The following NAV1 variants were observed in gnomAD, a reference collection of about 807,000 sequenced individuals.
The protein encoded by NAV1 is pore membrane and/or filament interacting like protein 3.
NAV1 carries 18 observed loss-of-function variants against 175.2 expected under a neutral mutation model. The observed-to-expected ratio is 0.10, with a 90% confidence interval of 0.07 to 0.15. The LOEUF (loss-of-function observed/expected upper bound fraction) is 0.15, where lower values mean the gene tolerates loss of function less well. Ranked by LOEUF, NAV1 falls within the 10% of genes least tolerant of loss-of-function variation. NAV1 has a pLI of 1.00. For synonymous variants in NAV1, 897 were observed against 978.7 expected (o/e 0.92, Z 1.56); for missense variants, 1,731 against 2,436.6 (o/e 0.71, Z 6.10).
At chr1:201,814,980 A>C (rs140374400) in intron 28 of NAV1, among the ~76,000 whole-genome samples, 2,200 of 149,448 alleles carry the variant, frequency 0.015, 72 homozygotes, top group African/African-American at 0.052. Flanking sequence ...TGGAGCTTGC[A>C]GTGAGCCGAG....
intron 1 of NAV1, among the ~76,000 whole-genome samples, chr1:201,664,386 G>A (rs1413050294): frequency 1.3e-5 from 2 of 152,098 alleles, no homozygotes; most frequent in East Asian, 3.9e-4. Context: ...ATATTAACTA[G>A]CCATGAGATT....
intron 3 of NAV1, among the ~76,000 whole-genome samples, chr1:201,758,816 G>C (rs1045128840): frequency 6.6e-6 from 1 of 152,130 alleles, no homozygotes; most frequent in East Asian, 1.9e-4. Context: ...TATCTCTCTC[G>C]TAATGGAAGT....
At chr1:201,773,860 A>T (rs1340406266) in intron 3 of NAV1, among the ~76,000 whole-genome samples, 1 of 152,154 alleles carries the variant, frequency 6.6e-6, no homozygotes, top group Non-Finnish European at 1.5e-5. Context: ...CTTCATCTTC[A>T]TTGTCCTGTT....
At chr1:201,733,117 A>G (rs1273697387) in intron 3 of NAV1, among the ~76,000 whole-genome samples, 3 of 151,182 alleles carry the variant, frequency 2.0e-5, no homozygotes, top group Non-Finnish European at 4.4e-5. Context: ...ATGGTGGCTT[A>G]TGCCTGTAAT....
At chr1:201,609,890 T>A (rs368074996) in intron 2 of NAV1, among the ~76,000 whole-genome samples, 18 of 152,286 alleles carry the variant, frequency 1.2e-4, no homozygotes, top group South Asian at 1.0e-3. Flanking sequence ...GAAACCTGGA[T>A]GGAACAGGGA....
chr1:201,802,457 T>TAAAAAAAAAAA (rs34494216), intron 15 of NAV1, among the ~76,000 whole-genome samples: 1 of 101,086 alleles, frequency 9.9e-6, no homozygotes, highest in African/African-American at 4.1e-5. Context: ...CCTGTCTCAT[T>TAAAAAAAAAAA]AAAAAAAAAA....
At chr1:201,553,588 A>G (rs1331115605) in intron 1 of NAV1, among the ~76,000 whole-genome samples, 9 of 152,196 alleles carry the variant, frequency 5.9e-5, no homozygotes, top group African/African-American at 2.2e-4. Context: ...TTGACAAATG[A>G]ATACGCCCAT....
intron 1 of NAV1, among the ~76,000 whole-genome samples, chr1:201,548,394 G>T (rs1211452058): frequency 1.3e-5 from 2 of 152,106 alleles, no homozygotes; most frequent in Admixed American, 1.3e-4. Context: ...TAAAAAATTA[G>T]CTGGGCATGA....
chr1:201,592,363 C>T (rs1474725323), intron 2 of NAV1, among the ~76,000 whole-genome samples: 9 of 152,138 alleles, frequency 5.9e-5, no homozygotes, highest in Non-Finnish European at 1.0e-4. Flanking sequence ...GGGACAACAG[C>T]TGACAGAACA....
Position 201,813,616 on chromosome 1 carries a change from CTAA to C in NAV1, c.5340+362_5340+364del, listed in dbSNP as rs1214411290. 6.6e-6 allele frequency among the ~76,000 whole-genome samples: 1 copy of C among 151,752 alleles called. No individual in the cohort carries two copies. The highest frequency in any genetic ancestry group is 1.5e-5 in the Non-Finnish European group (1 of 67,992). On this transcript the variant is annotated intron_variant, in intron 28 of 29. Transcript: ENST00000367296. This position sits in a 1 kb window ranked among gnomAD's most constrained non-coding sequence, Gnocchi z 4.2. ...CAAACAAAACCTTAGCTACTTACTACTAATAAGTATGTTATATTAACCAAGTTA... is the reference window on the plus strand; with the variant it reads ...CAAACAAAACCTTAGCTACTTACTACTAAGTATGTTATATTAACCAAGTTA...
intron 1 of NAV1, among the ~76,000 whole-genome samples, chr1:201,549,124 TTTCTTTCTTTC>T (rs1557992208): frequency 6.7e-6 from 1 of 149,616 alleles, no homozygotes; most frequent in African/African-American, 2.4e-5. Context: ...TCTTTCTTTC[TTTCTTTCTTTC>T]TTTCTTTCTT....
intron 1 of NAV1, among the ~76,000 whole-genome samples, chr1:201,542,116 A>C (rs1432661591): frequency 6.6e-6 from 1 of 152,236 alleles, no homozygotes; most frequent in Non-Finnish European, 1.5e-5. Context: ...GGATGGGCTC[A>C]GAGCTACACA....
chr1:201,718,697 A>G lies in NAV1; in HGVS notation c.1168A>G (p.Met390Val). 6.2e-7 allele frequency: 1 copy of G among 1,614,172 alleles called. No homozygotes were observed. Among genetic ancestry groups the G allele is most frequent in the Non-Finnish European group, 8.5e-7 (1 of 1,180,022 alleles). Reference sequence around the variant, plus strand: ...TGAGGTGGACCTCAAGTCCGGCTACATGAGCGACAGTGACCTCATGGGCAA... The same window carrying G: ...TGAGGTGGACCTCAAGTCCGGCTACGTGAGCGACAGTGACCTCATGGGCAA... The change falls in exon 3 of 30, where the codon ATG (methionine) becomes GTG (valine). Residue 390 changes from methionine (M) to valine (V), a missense_variant. Physicochemically the swap from Met to Val is conservative, Grantham distance 21. Coordinates refer to ENST00000367296, the Ensembl canonical transcript of NAV1. The surrounding 1 kb of genome is among the most constrained non-coding windows in gnomAD (Gnocchi z 4.8).
intron 1 of NAV1, among the ~76,000 whole-genome samples, chr1:201,570,091 G>A (rs1017370880): frequency 3.3e-5 from 5 of 152,110 alleles, no homozygotes; most frequent in African/African-American, 7.2e-5. Context: ...CGGGGTGAGC[G>A]CTTCTCTGGC....
intron 2 of NAV1, among the ~76,000 whole-genome samples, chr1:201,603,186 C>A (rs1341842830): frequency 6.6e-6 from 1 of 152,156 alleles, no homozygotes; most frequent in East Asian, 1.9e-4. Context: ...TTAGGCTAGA[C>A]ATCAAAAATA....
At chr1:201,748,004 C>T (rs1407236077) in intron 3 of NAV1, among the ~76,000 whole-genome samples, 3 of 152,184 alleles carry the variant, frequency 2.0e-5, no homozygotes, top group East Asian at 3.9e-4. Flanking sequence ...TTGCAGACAC[C>T]TTCTAGGCTA....
intron 2 of NAV1, among the ~76,000 whole-genome samples, chr1:201,589,071 C>T (rs1438372238): frequency 6.6e-6 from 1 of 152,154 alleles, no homozygotes; most frequent in African/African-American, 2.4e-5. Flanking sequence ...TGGTCTCAAA[C>T]TCCTGACCTC....
At chr1:201,772,736 A>G (rs1675668046) in intron 3 of NAV1, among the ~76,000 whole-genome samples, 1 of 152,210 alleles carries the variant, frequency 6.6e-6, no homozygotes, top group Non-Finnish European at 1.5e-5. Context: ...CATGCATTAT[A>G]AATACTAGGA....
At chr1:201,560,921 A>G (rs1179996485) in intron 1 of NAV1, among the ~76,000 whole-genome samples, 1 of 152,202 alleles carries the variant, frequency 6.6e-6, no homozygotes, top group African/African-American at 2.4e-5. Flanking sequence ...GGCTCAGGGA[A>G]CATAGTCAGC....
Sources: gnomAD v4.1 joint callset for allele counts (sites outside exome capture counted in the v4.1 genomes callset) on GRCh38, gnomAD v4.1.1 for gene constraint, Gnocchi (gnomAD v3.1) non-coding constraint, MANE v1.5 for transcripts, NCBI Gene and HGNC (gene_info 2026-07-23, HGNC 2026-07-21) for gene names.